CLTB: variants seen among roughly 807,000 people sequenced by gnomAD.
CLTB encodes the protein clathrin, light chain (Lcb).
CLTB carries 10 observed loss-of-function variants against 30.5 expected under a neutral mutation model. The ratio of observed to expected loss-of-function variants is 0.33; its 90% CI spans 0.20 to 0.56. The LOEUF is 0.56. Ranked by LOEUF, CLTB falls within the 20% of genes least tolerant of loss-of-function variation. The pLI is 0.91. For synonymous variants in CLTB, 102 were observed against 120.3 expected, an observed-to-expected ratio of 0.85 and a Z score of 1.00; for missense variants, 261 against 308.3, an observed-to-expected ratio of 0.85 and a Z score of 1.15.
intron 2 of CLTB, among the ~76,000 whole-genome samples, chr5:176,400,464 G>C (rs1435163886): frequency 6.6e-6 from 1 of 152,166 alleles, no homozygotes; most frequent in Non-Finnish European, 1.5e-5. Context: ...CCAGGCAGGG[G>C]CTCTGCTCAC....
intron 2 of CLTB, among the ~76,000 whole-genome samples, chr5:176,401,373 C>T (rs192590191): frequency 2.3e-4 from 35 of 152,358 alleles, no homozygotes; most frequent in African/African-American, 8.2e-4. Flanking sequence ...ATGAAGGCAT[C>T]CATCTGACCA....
chr5:176,409,406 C>CTTTTTTTTTTTTT (rs34831947), intron 2 of CLTB, among the ~76,000 whole-genome samples: 1 of 79,656 alleles, frequency 1.3e-5, no homozygotes, highest in Non-Finnish European at 2.2e-5. Context: ...TCTGATTGCC[C>CTTTTTTTTTTTTT]TTTTTTTTTT....
At chr5:176,409,403 GC>G (rs1757307571) in intron 2 of CLTB, among the ~76,000 whole-genome samples, 1 of 124,224 alleles carries the variant, frequency 8.0e-6, no homozygotes, top group African/African-American at 3.1e-5. Context: ...AGATCTGATT[GC>G]CCTTTTTTTT....
intron 2 of CLTB, among the ~76,000 whole-genome samples, chr5:176,404,700 T>C (rs1757016744): frequency 6.6e-6 from 1 of 152,174 alleles, no homozygotes; most frequent in Non-Finnish European, 1.5e-5. Flanking sequence ...TGCACTCTAG[T>C]GGGGGCTATG....
At chr5:176,413,759 G>T (rs978977568) in intron 1 of CLTB, among the ~76,000 whole-genome samples, 3 of 152,200 alleles carry the variant, frequency 2.0e-5, no homozygotes, top group Admixed American at 1.3e-4. Context: ...GAGAAGGTCA[G>T]ATCAATTCTA....
intron 2 of CLTB, chr5:176,406,838 G>A (rs1265379770): frequency 4.9e-6 from 3 of 617,036 alleles, no homozygotes; most frequent in Non-Finnish European, 6.8e-6. Flanking sequence ...CAATCCTAAA[G>A]AGCTGGGGCT....
chr5:176,398,152 C>T, intron 2 of CLTB, 105 bp from the exon 3 acceptor site: 1 of 946,536 alleles, frequency 1.1e-6, no homozygotes, highest in South Asian at 1.4e-5. Context: ...CAGCCTCAAA[C>T]AACCTCATAC....
intron 2 of CLTB, among the ~76,000 whole-genome samples, chr5:176,399,517 G>T (rs1230026777): frequency 6.6e-6 from 1 of 152,206 alleles, no homozygotes; most frequent in Non-Finnish European, 1.5e-5. Flanking sequence ...CAAGGCAGGA[G>T]GATCACTTGA....
At chr5:176,397,107 G>A (rs1433869025) in intron 4 of CLTB, among the ~76,000 whole-genome samples, 1 of 151,966 alleles carries the variant, frequency 6.6e-6, no homozygotes, top group Non-Finnish European at 1.5e-5. Context: ...TCTCCTCTGC[G>A]CCCTTTGAGG....
At position 176,393,847 on chromosome 5, in the gene CLTB, G is replaced by A. The variant is rs72807218; in HGVS notation, c.519-902C>T. Among the ~76,000 whole-genome samples, 14 of 152,330 alleles carry A rather than the reference G, an allele frequency of 9.2e-5. No individual in the cohort carries two copies. Among genetic ancestry groups the A allele is most frequent in the Non-Finnish European group, 2.1e-4 (14 of 68,036 alleles). ...GGACTCACTAACAGAAAGACAATAAGGGATTCTTAGGTGAGGAGAGCTGGG... is the reference window on the plus strand; with the variant it reads ...GGACTCACTAACAGAAAGACAATAAAGGATTCTTAGGTGAGGAGAGCTGGG... On this transcript the variant is annotated intron_variant, in intron 5 of 5. Transcript: ENST00000310418. This position sits in a 1 kb window ranked among gnomAD's most constrained non-coding sequence, Gnocchi z 4.4.
chr5:176,399,739 C>T (rs1756718572), intron 2 of CLTB, among the ~76,000 whole-genome samples: 1 of 151,684 alleles, frequency 6.6e-6, no homozygotes, highest in Non-Finnish European at 1.5e-5. Context: ...ACTAAAAATA[C>T]AAAAAATTAG....
At chr5:176,397,169 C>G (rs1756563030) in intron 4 of CLTB, among the ~76,000 whole-genome samples, 1 of 152,156 alleles carries the variant, frequency 6.6e-6, no homozygotes, top group Non-Finnish European at 1.5e-5. Flanking sequence ...TACCCCAGAG[C>G]CTGGCATGCA....
In CLTB at chr5:176,392,950, G is replaced by C; in HGVS notation, c.519-5C>G. 6.2e-7 allele frequency: 1 copy of C among 1,613,932 alleles called. No individual in the cohort carries two copies. Among genetic ancestry groups the C allele is most frequent in the Non-Finnish European group, 8.5e-7 (1 of 1,179,918 alleles). On this transcript the variant is annotated splice_polypyrimidine_tract_variant and splice_region_variant and intron_variant, in intron 5 of 5. Transcript: ENST00000310418. The surrounding 1 kb of genome is among the most constrained non-coding windows in gnomAD (Gnocchi z 5.2). The stretch of plus-strand genomic sequence containing the variant: ...ACGAAAGCCTCCTCGGATGCCCTGC[G>C]GGTGGAGATAGGACGGGCTTTTATA...
chr5:176,399,130 C>A (rs1756691043), intron 2 of CLTB, among the ~76,000 whole-genome samples: 2 of 152,176 alleles, frequency 1.3e-5, no homozygotes. Flanking sequence ...AGGCTTGAGC[C>A]ACCGTGACCA....
intron 2 of CLTB, among the ~76,000 whole-genome samples, chr5:176,408,443 G>GGA (rs1757247232): frequency 6.6e-6 from 1 of 151,888 alleles, no homozygotes; most frequent in Non-Finnish European, 1.5e-5. Flanking sequence ...GGCTGAGGCA[G>GGA]GAGAATCACT....
chr5:176,414,376 C>T (rs553167332), intron 1 of CLTB, among the ~76,000 whole-genome samples: 6 of 152,182 alleles, frequency 3.9e-5, no homozygotes, highest in Admixed American at 2.6e-4. Flanking sequence ...GGCAAAAGAC[C>T]CCATGCTTCT....
intron 2 of CLTB, among the ~76,000 whole-genome samples, chr5:176,407,822 T>C (rs932492068): frequency 1.3e-5 from 2 of 152,184 alleles, no homozygotes; most frequent in African/African-American, 4.8e-5. Flanking sequence ...AGATGGACTT[T>C]TCCAGCTTGC....
Position 176,410,561 on chromosome 5 carries a change from A to T in CLTB, c.188-258T>A, listed in dbSNP as rs140746134. Among the ~76,000 whole-genome samples, 174 of 152,318 alleles carry T rather than the reference A, an allele frequency of 1.1e-3. 1 individual carries two copies. Among genetic ancestry groups the T allele is most frequent in the African/African-American group, 3.9e-3 (164 of 41,572 alleles). On this transcript the variant is annotated intron_variant, in intron 1 of 5. Coordinates refer to ENST00000310418, the MANE Select transcript of CLTB (RefSeq NM_007097.5). ...AAATTGTTGTCAACCCATTTTACAG[A>T]TACTCAAGCTGAGGCTCAGAGAGGC...
chr5:176,394,806 CTCCG>C (rs2113624019), intron 5 of CLTB, among the ~76,000 whole-genome samples: 1 of 149,906 alleles, frequency 6.7e-6, no homozygotes, highest in South Asian at 2.1e-4. Flanking sequence ...CAGAGCAAGA[CTCCG>C]TCTTAAAAAA....
Sources: allele counts gnomAD v4.1 joint callset (sites outside exome capture counted in the v4.1 genomes callset), GRCh38; gene constraint gnomAD v4.1.1; non-coding constraint Gnocchi (gnomAD v3.1); transcripts MANE v1.5; gene names NCBI Gene and HGNC (gene_info 2026-07-23, HGNC 2026-07-21).